The following ACSS3 variants were observed in gnomAD, a reference collection of about 807,000 sequenced individuals.
ACSS3 encodes the protein acyl-CoA synthetase short-chain family member 3, mitochondrial.
A neutral mutation model predicts 84.2 loss-of-function variants in ACSS3; 64 were observed. The ratio of observed to expected loss-of-function variants is 0.76; its 90% CI spans 0.62 to 0.94. The LOEUF (loss-of-function observed/expected upper bound fraction) is 0.94, where lower values mean the gene tolerates loss of function less well. Among genes scored for constraint, ACSS3 ranks in the 40% least tolerant of loss-of-function variants. The pLI is 0.00. For synonymous variants in ACSS3, 317 were observed against 310.1 expected (o/e 1.02, Z -0.23); for missense variants, 815 against 867.6 (o/e 0.94, Z 0.76).
chr12:81,132,296 C>T (rs968119498), intron 2 of ACSS3, among the ~76,000 whole-genome samples: 2 of 152,106 alleles, frequency 1.3e-5, no homozygotes, highest in Non-Finnish European at 2.9e-5. Context: ...ATTGTTGCCT[C>T]AATTTCAGAG....
At chr12:81,099,464 G>A (rs1423429413) in intron 1 of ACSS3, among the ~76,000 whole-genome samples, 1 of 152,108 alleles carries the variant, frequency 6.6e-6, no homozygotes, top group African/African-American at 2.4e-5. Context: ...AACTAAATAT[G>A]GTTGTGTTGG....
At chr12:81,204,691 C>T (rs917174577) in intron 9 of ACSS3, among the ~76,000 whole-genome samples, 2 of 152,052 alleles carry the variant, frequency 1.3e-5, no homozygotes, top group Non-Finnish European at 2.9e-5. Context: ...TTATTTTTAC[C>T]TGTTGACAGG....
chr12:81,116,385 G>C (rs746869054), intron 2 of ACSS3, among the ~76,000 whole-genome samples: 1 of 152,022 alleles, frequency 6.6e-6, no homozygotes, highest in Non-Finnish European at 1.5e-5. Context: ...AGTGTCTAAA[G>C]ATTATTTCAT....
intron 2 of ACSS3, chr12:81,124,506 G>A (rs1280381232): frequency 6.6e-6 from 1 of 152,130 alleles, no homozygotes; most frequent in Non-Finnish European, 1.5e-5. Flanking sequence ...TATCTGATAC[G>A]TTGAATCCTG....
intron 8 of ACSS3, among the ~76,000 whole-genome samples, chr12:81,178,135 T>TA (rs1378348018): frequency 6.6e-5 from 10 of 151,504 alleles, no homozygotes; most frequent in Non-Finnish European, 8.8e-5. Flanking sequence ...TATGCAGCCA[T>TA]AAAAAATGAT....
chr12:81,102,058 C>T (rs1488954058), intron 1 of ACSS3, among the ~76,000 whole-genome samples: 6 of 151,756 alleles, frequency 4.0e-5, no homozygotes, highest in South Asian at 4.2e-4. Flanking sequence ...CACACACACA[C>T]ACACACACAC....
At position 81,253,338 on chromosome 12, in the gene ACSS3, G is replaced by T; in HGVS notation, c.1751G>T (p.Cys584Phe). 1 of 1,613,460 alleles carries T rather than the reference G, an allele frequency of 6.2e-7. No homozygotes were observed. The highest frequency in any genetic ancestry group is 8.5e-7 in the Non-Finnish European group (1 of 1,179,416). ...SILSHGTVAD[C>F]AVVGKEDPLK... ...CTTTCCCATGGTACCGTGGCAGACTGTGCTGTTGTTGGCAAGGAAGATCCC... is the reference window on the plus strand; with the variant it reads ...CTTTCCCATGGTACCGTGGCAGACTTTGCTGTTGTTGGCAAGGAAGATCCC... Residue 584 changes from cysteine to phenylalanine, a missense_variant, in exon 14 of 16, where the codon TGT becomes TTT. By Grantham distance (205) the Cys-to-Phe change is radical. Transcript: ENST00000548058.
At chr12:81,175,092 G>A (rs1295056598) in intron 8 of ACSS3, among the ~76,000 whole-genome samples, 153 bp downstream of exon 8, 1 of 152,120 alleles carries the variant, frequency 6.6e-6, no homozygotes, top group Non-Finnish European at 1.5e-5. Flanking sequence ...ATATAATTTT[G>A]AAATAGTTGG....
intron 11 of ACSS3, among the ~76,000 whole-genome samples, chr12:81,225,101 C>T (rs1360440263): frequency 6.6e-6 from 1 of 151,756 alleles, no homozygotes; most frequent in Non-Finnish European, 1.5e-5. Context: ...CATGGTTTCT[C>T]AGGCACCCAC....
chr12:81,195,472 C>A (rs116605498), intron 8 of ACSS3, among the ~76,000 whole-genome samples: 2 of 151,938 alleles, frequency 1.3e-5, no homozygotes, highest in East Asian at 3.9e-4. Flanking sequence ...TATAACAGTT[C>A]CCTCAGATGA....
chr12:81,122,550 CTATCATAT>C (rs1884718781), intron 2 of ACSS3, among the ~76,000 whole-genome samples: 1 of 152,100 alleles, frequency 6.6e-6, no homozygotes, highest in South Asian at 2.1e-4. Flanking sequence ...TACTATCATA[CTATCATAT>C]TATGTTCACT....
intron 2 of ACSS3, among the ~76,000 whole-genome samples, chr12:81,117,726 G>T (rs1431951114): frequency 6.6e-6 from 1 of 152,150 alleles, no homozygotes; most frequent in Admixed American, 6.6e-5. Flanking sequence ...CTCTGAAGAT[G>T]AAGAGACTGT....
intron 5 of ACSS3, among the ~76,000 whole-genome samples, chr12:81,145,378 C>T (rs1886292710): frequency 6.6e-6 from 1 of 152,092 alleles, no homozygotes; most frequent in East Asian, 1.9e-4. Flanking sequence ...TTCTGCATCA[C>T]AGTGAATTTG....
rs776341687 is a variant in ACSS3 at position 81,078,400 on chromosome 12, C to G, written c.280C>G (p.Leu94Val). ...CTGGTACAAGCCCTGGACCAAAACG[C>G]TGGAGAACAAACACTCGCCCTCTAC... is the stretch of plus-strand genomic sequence containing the variant. The part of the protein sequence containing the change: ...ISWYKPWTKT[L>V]ENKHSPSTRW... The change falls in exon 1 of 16, where the codon CTG (leucine) becomes GTG (valine). Residue 94 changes from leucine to valine, a missense_variant. By Grantham distance (32) the Leu-to-Val change is conservative (BLOSUM62 1). Transcript: ENST00000548058. 4.3e-6 allele frequency: 7 copies of G among 1,612,684 alleles called. No homozygotes were observed. The East Asian group carries it at 1.1e-4, about 26-fold the overall frequency.
intron 8 of ACSS3, among the ~76,000 whole-genome samples, chr12:81,191,474 C>T (rs985434389): frequency 2.6e-5 from 4 of 151,942 alleles, no homozygotes; most frequent in African/African-American, 9.7e-5. Context: ...GTCTTTTTCC[C>T]CGCTATTATC....
intron 1 of ACSS3, among the ~76,000 whole-genome samples, chr12:81,100,696 A>T (rs1754020726): frequency 6.6e-6 from 1 of 152,182 alleles, no homozygotes; most frequent in Admixed American, 6.5e-5. Context: ...CATCCTACAA[A>T]TTGATCTTGG....
At chr12:81,222,875 T>C (rs902374368) in intron 11 of ACSS3, among the ~76,000 whole-genome samples, 1 of 152,078 alleles carries the variant, frequency 6.6e-6, no homozygotes, top group Non-Finnish European at 1.5e-5. Flanking sequence ...CTAGTAGAAG[T>C]GAGAACTTCA....
chr12:81,253,275 G>T (rs771367589), intron 13 of ACSS3, 32 bp from the exon 14 acceptor site: 29 of 1,566,756 alleles, frequency 1.9e-5, no homozygotes, highest in Admixed American at 5.0e-5. Context: ...GTAAATAAAT[G>T]TATTCTAAAT....
At chr12:81,187,264 C>T (rs1210822952) in intron 8 of ACSS3, among the ~76,000 whole-genome samples, 1 of 151,680 alleles carries the variant, frequency 6.6e-6, no homozygotes, top group Admixed American at 6.6e-5. Context: ...TACAAAGCAG[C>T]AGGTATGTAG....
Sources: gnomAD v4.1 joint callset for allele counts (sites outside exome capture counted in the v4.1 genomes callset) on GRCh38, gnomAD v4.1.1 for gene constraint, MANE v1.5 for transcripts, NCBI Gene and HGNC (gene_info 2026-07-23, HGNC 2026-07-21) for gene names.